MACF1: variants seen among roughly 807,000 people sequenced by gnomAD.
MACF1 encodes the protein microtubule actin crosslinking factor 1.
Under a neutral mutation model 854.8 loss-of-function variants are expected in MACF1, and 193 were observed. The ratio of observed to expected loss-of-function variants is 0.23; its 90% confidence interval spans 0.20 to 0.25. The LOEUF (loss-of-function observed/expected upper bound fraction) is 0.25, where lower values mean the gene tolerates loss of function less well. Among genes scored for constraint, MACF1 ranks in the 10% least tolerant of loss-of-function variants. The probability of loss-of-function intolerance (pLI) is 1.00; values close to 1 mark genes in which losing one functional copy is unlikely to be tolerated. For synonymous variants in MACF1, 3,185 were observed against 3,226.7 expected (o/e 0.99, Z 0.44); for missense variants, 7,722 against 8,929.1 (o/e 0.86, Z 5.45).
At chr1:39,480,053 C>T (rs905228067) in intron 98 of MACF1, 44 bp downstream of exon 98, 3 of 1,544,858 alleles carry the variant, frequency 1.9e-6, no homozygotes, top group African/African-American at 2.7e-5. Flanking sequence ...CAATCCCACC[C>T]TCACAGATGT....
chr1:39,390,969 G>A (rs1642009963), intron 58 of MACF1, among the ~76,000 whole-genome samples: 1 of 152,044 alleles, frequency 6.6e-6, no homozygotes, highest in African/African-American at 2.4e-5. Flanking sequence ...AAATTAGCTG[G>A]GTATGGTGGC....
At chr1:39,097,284 C>T (rs947629247) in intron 2 of MACF1, among the ~76,000 whole-genome samples, 3 of 152,128 alleles carry the variant, frequency 2.0e-5, no homozygotes, top group Non-Finnish European at 2.9e-5. Flanking sequence ...GGTTCAGGCT[C>T]TATCCCCAGA....
chr1:39,186,230 G>C (rs867835855), intron 2 of MACF1, among the ~76,000 whole-genome samples: 1,586 of 128,140 alleles, frequency 0.012, 18 homozygotes, highest in East Asian at 0.034. Context: ...GTGTGTGTGT[G>C]TGTGTGTGTG....
intron 6 of MACF1, chr1:39,269,036 A>G (rs1645271322): frequency 2.3e-6 from 3 of 1,289,154 alleles, no homozygotes; most frequent in Non-Finnish European, 3.0e-6. Context: ...AGAGATTCCA[A>G]GGGGAGGTCC....
rs1321990337 is a variant in MACF1, at chr1:39,441,871, T to A, written c.18673-81T>A. On this transcript the variant is annotated intron_variant, in intron 74 of 100. Coordinates refer to ENST00000564288, the MANE Select transcript of MACF1 (RefSeq NM_001394062.1). Reference sequence around the variant, plus strand: ...AAGGTGCTTTGATTGATTTATGTCTTCTTATGTTAGCAGAGATAATGCTAA... The same window carrying A: ...AAGGTGCTTTGATTGATTTATGTCTACTTATGTTAGCAGAGATAATGCTAA... The A allele has an allele frequency of 3.9e-6, 4 of 1,028,016 alleles. No individual in the cohort carries two copies. In the South Asian group the frequency reaches 5.2e-5, roughly 13 times the overall value. The allele number at this position is 1,028,016 out of a possible 1,614,324, so 63.7% of individuals were successfully genotyped here. A position where few individuals can be genotyped will look rare whatever the true frequency, so the allele number is the denominator to read the frequency against.
chr1:39,326,316 G>A (rs945723914), intron 35 of MACF1, among the ~76,000 whole-genome samples: 1 of 152,180 alleles, frequency 6.6e-6, no homozygotes, highest in Admixed American at 6.5e-5. Context: ...GGGAAGAAAG[G>A]GAAAGGAATG....
intron 85 of MACF1, among the ~76,000 whole-genome samples, 153 bp from the exon 86 acceptor site, chr1:39,452,003 C>T (rs956768915): frequency 2.6e-5 from 4 of 152,162 alleles, no homozygotes; most frequent in African/African-American, 4.8e-5. Context: ...CCACTGCGCC[C>T]GGCCTGGTTG....
intron 1 of MACF1, among the ~76,000 whole-genome samples, chr1:39,225,362 G>A (rs1479070154): frequency 5.3e-5 from 8 of 150,698 alleles, no homozygotes; most frequent in African/African-American, 1.7e-4. Flanking sequence ...GACTACAGGC[G>A]CCCGCCACCG....
At chr1:39,122,226 G>T (rs1279509931) in intron 2 of MACF1, among the ~76,000 whole-genome samples, 2 of 150,908 alleles carry the variant, frequency 1.3e-5, no homozygotes, top group Non-Finnish European at 2.9e-5. Context: ...TACTTGTACA[G>T]TGCAGCCACT....
intron 21 of MACF1, among the ~76,000 whole-genome samples, chr1:39,299,047 T>TA (rs1273593322): frequency 6.6e-6 from 1 of 152,108 alleles, no homozygotes; most frequent in Non-Finnish European, 1.5e-5. Context: ...TTTCAGAACT[T>TA]TTACCACGCT....
At chr1:39,223,918 G>A (rs1644683317) in intron 1 of MACF1, among the ~76,000 whole-genome samples, 1 of 152,146 alleles carries the variant, frequency 6.6e-6, no homozygotes, top group African/African-American at 2.4e-5. Context: ...CCATTGAGAA[G>A]GATGGATTAC....
intron 33 of MACF1, 70 bp from the exon 34 acceptor site, chr1:39,324,123 G>A: frequency 6.8e-7 from 1 of 1,467,952 alleles, no homozygotes; most frequent in Non-Finnish European, 9.2e-7. Flanking sequence ...CTTCATTTAA[G>A]AAAATCTGAA....
At chr1:39,223,741 T>C (rs936478738) in intron 1 of MACF1, among the ~76,000 whole-genome samples, 2 of 152,090 alleles carry the variant, frequency 1.3e-5, no homozygotes, top group African/African-American at 4.8e-5. Flanking sequence ...GGTTTTGAAC[T>C]CCTGACCTCC....
intron 2 of MACF1, among the ~76,000 whole-genome samples, chr1:39,161,299 G>C (rs1643793951): frequency 6.6e-6 from 1 of 152,166 alleles, no homozygotes; most frequent in Non-Finnish European, 1.5e-5. Context: ...GGTAATTAGG[G>C]ATTAATTAGG....
At chr1:39,186,139 G>C (rs1011005291) in intron 2 of MACF1, among the ~76,000 whole-genome samples, 2 of 149,846 alleles carry the variant, frequency 1.3e-5, no homozygotes, top group African/African-American at 4.9e-5. Context: ...AGAATGTTAA[G>C]GGAATCCATG....
intron 2 of MACF1, among the ~76,000 whole-genome samples, chr1:39,089,017 A>G (rs944504726): frequency 3.9e-5 from 6 of 152,194 alleles, no homozygotes; most frequent in African/African-American, 1.2e-4. Flanking sequence ...CTTGGCATTG[A>G]TATTCAAAGA....
intron 51 of MACF1, 115 bp downstream of exon 51, chr1:39,370,301 A>G: frequency 1.0e-6 from 1 of 952,746 alleles, no homozygotes; most frequent in Non-Finnish European, 1.5e-6. Context: ...GTCAGTCTGC[A>G]TCAGAACAGA....
intron 71 of MACF1, among the ~76,000 whole-genome samples, chr1:39,438,927 A>G (rs1332099408): frequency 2.6e-5 from 4 of 151,718 alleles, no homozygotes; most frequent in African/African-American, 4.8e-5. Flanking sequence ...TACCAAAAAT[A>G]CAAAAATTAG....
At chr1:39,452,896 T>C (rs1051336712) in intron 87 of MACF1, 84 bp downstream of exon 87, 2 of 1,501,776 alleles carry the variant, frequency 1.3e-6, no homozygotes, top group African/African-American at 2.8e-5. Context: ...AACTTTTTCT[T>C]GGAAATATCA....
Sources: gnomAD v4.1 joint callset for allele counts (sites outside exome capture counted in the v4.1 genomes callset) on GRCh38, gnomAD v4.1.1 for gene constraint, MANE v1.5 for transcripts, NCBI Gene and HGNC (gene_info 2026-07-23, HGNC 2026-07-21) for gene names.